DLC1: variants seen among roughly 807,000 people sequenced by gnomAD.
DLC1 encodes DLC1 Rho GTPase activating protein, also known as rho GTPase-activating protein 7.
Under a neutral mutation model 140.3 loss-of-function variants are expected in DLC1, and 54 were observed. The observed-to-expected ratio is 0.38, with a 90% CI of 0.31 to 0.48. The LOEUF (loss-of-function observed/expected upper bound fraction) is 0.48. DLC1 is among the 20% of genes least tolerant of loss of function. The pLI, the probability that DLC1 is intolerant of heterozygous loss-of-function variation, is 0.96. For missense variants in DLC1, 2,536 were observed against 1,907.0 expected (o/e 1.33, Z -6.14); for synonymous variants, 986 against 728.1 (o/e 1.35, Z -5.70).
At chr8:13,566,878 T>C (rs13281400) in intron 1 of DLC1, 188,958 of 1,318,042 alleles carry the variant, frequency 0.14, 14,577 homozygotes, top group Middle Eastern at 0.2. Flanking sequence ...GAAGACGACC[T>C]CCGCAGAGCT....
At chr8:13,219,385 T>TAAGTATACTTATATAA (rs1554473525) in intron 5 of DLC1, among the ~76,000 whole-genome samples, 3 of 124,766 alleles carry the variant, frequency 2.4e-5, no homozygotes, top group African/African-American at 8.8e-5. Flanking sequence ...TATAATTATA[T>TAAGTATACTTATATAA]TTCATATAAT....
chr8:13,577,893 T>G (rs1348840611), intron 1 of DLC1, among the ~76,000 whole-genome samples: 1 of 152,112 alleles, frequency 6.6e-6, no homozygotes, highest in Non-Finnish European at 1.5e-5. Context: ...TTTATTGGAT[T>G]TAAGGAAGCC....
chr8:13,576,122 T>C (rs542951053), intron 1 of DLC1, among the ~76,000 whole-genome samples: 1 of 152,332 alleles, frequency 6.6e-6, no homozygotes, highest in East Asian at 1.9e-4. Context: ...TTTATCAGAA[T>C]GTCTGGATTA....
At chr8:13,428,130 G>T (rs1838681350) in intron 2 of DLC1, among the ~76,000 whole-genome samples, 2 of 152,128 alleles carry the variant, frequency 1.3e-5, no homozygotes. Context: ...TTTTGTATGG[G>T]CGTGTGTTGT....
intron 1 of DLC1, among the ~76,000 whole-genome samples, chr8:13,595,693 A>T (rs1047700259): frequency 6.6e-6 from 1 of 152,054 alleles, no homozygotes; most frequent in Non-Finnish European, 1.5e-5. Flanking sequence ...CATTCTCTCA[A>T]ATAGACAAAG....
chr8:13,248,687 C>T (rs1231867849), intron 5 of DLC1, among the ~76,000 whole-genome samples: 2 of 152,162 alleles, frequency 1.3e-5, no homozygotes, highest in African/African-American at 4.8e-5. Context: ...CAGAAGTCCT[C>T]AACCCTGAAA....
intron 1 of DLC1, among the ~76,000 whole-genome samples, chr8:13,548,375 AC>A (rs11323723): frequency 0.98 from 148,294 of 152,044 alleles, 72,430 homozygotes; most frequent in East Asian, 1. Flanking sequence ...TGTACTACAC[AC>A]CCCAGTATTA....
intron 5 of DLC1, among the ~76,000 whole-genome samples, chr8:13,194,341 T>G (rs982999412): frequency 1.3e-5 from 2 of 152,200 alleles, no homozygotes; most frequent in Non-Finnish European, 1.5e-5. Flanking sequence ...GGGAGCTGAG[T>G]GGGCAGCTAT....
intron 2 of DLC1, among the ~76,000 whole-genome samples, chr8:13,458,661 T>C (rs1799523699): frequency 6.6e-6 from 1 of 152,222 alleles, no homozygotes; most frequent in African/African-American, 2.4e-5. Flanking sequence ...TCACTTCGTA[T>C]GTCAGTAGGT....
chr8:13,485,673 C>T (rs938766563), intron 2 of DLC1, among the ~76,000 whole-genome samples: 3 of 152,178 alleles, frequency 2.0e-5, no homozygotes, highest in Admixed American at 2.0e-4. Context: ...TCGTAATCTA[C>T]AGACTTCACA....
intron 2 of DLC1, among the ~76,000 whole-genome samples, chr8:13,441,731 C>A (rs1220863577): frequency 2.0e-5 from 3 of 152,082 alleles, no homozygotes; most frequent in African/African-American, 7.2e-5. Context: ...AATGGAGGAA[C>A]ATTCCATGCT....
chr8:13,323,961 C>G (rs1292991852), intron 4 of DLC1, among the ~76,000 whole-genome samples: 1 of 152,198 alleles, frequency 6.6e-6, no homozygotes, highest in Non-Finnish European at 1.5e-5. Flanking sequence ...TTACGTGAGA[C>G]AGTTAATGTG....
chr8:13,276,631 GGC>G (rs1051476820), intron 5 of DLC1: 1 of 1,208,318 alleles, frequency 8.3e-7, no homozygotes, highest in African/African-American at 1.6e-5. Context: ...ACCCTCGCGG[GGC>G]GCGCGAGCTG....
intron 5 of DLC1, among the ~76,000 whole-genome samples, chr8:13,217,245 C>T (rs1469988723): frequency 6.6e-6 from 1 of 152,094 alleles, no homozygotes; most frequent in African/African-American, 2.4e-5. Flanking sequence ...AAATATAATA[C>T]AAGACACATT....
chr8:13,539,553 T>C (rs1803415157), intron 1 of DLC1, among the ~76,000 whole-genome samples: 1 of 152,154 alleles, frequency 6.6e-6, no homozygotes, highest in Non-Finnish European at 1.5e-5. Context: ...AGAGCTCCTT[T>C]AAGAACAGGA....
At chr8:13,367,175 GT>G (rs1238510928) in intron 4 of DLC1, among the ~76,000 whole-genome samples, 2 of 151,972 alleles carry the variant, frequency 1.3e-5, no homozygotes, top group African/African-American at 4.8e-5. Context: ...TTTAGTCCTG[GT>G]CACTCGTTCT....
At chr8:13,517,777 C>T (rs913424215), upstream of DLC1, among the ~76,000 whole-genome samples, 23 of 152,182 alleles carry the variant, frequency 1.5e-4, no homozygotes, top group Non-Finnish European at 2.8e-4. Flanking sequence ...GGAGTCTGCT[C>T]CAAAACTAAC....
chr8:13,549,312 A>G (rs1803768239), intron 1 of DLC1, among the ~76,000 whole-genome samples: 1 of 152,122 alleles, frequency 6.6e-6, no homozygotes, highest in Admixed American at 6.6e-5. Context: ...GAAACTTAAT[A>G]CTTTAAAAAA....
chr8:13,251,347 C>A (rs1291172896), intron 5 of DLC1, among the ~76,000 whole-genome samples: 1 of 152,086 alleles, frequency 6.6e-6, no homozygotes, highest in Non-Finnish European at 1.5e-5. Flanking sequence ...ATAGCAATTG[C>A]CCTTGTTTTT....
Sources: gnomAD v4.1 joint callset for allele counts (sites outside exome capture counted in the v4.1 genomes callset) on GRCh38, gnomAD v4.1.1 for gene constraint, MANE v1.5 for transcripts, NCBI Gene and HGNC (gene_info 2026-07-23, HGNC 2026-07-21) for gene names.